Variants in BAZ1A observed in about 807,000 individuals in gnomAD.
The protein encoded by BAZ1A is bromodomain adjacent to zinc finger domain protein 1A.
BAZ1A carries 50 observed loss-of-function variants against 185.2 expected under a neutral mutation model. That is an observed-to-expected ratio of 0.27 (90% CI 0.22 to 0.34). The LOEUF (loss-of-function observed/expected upper bound fraction) is 0.34, where lower values mean the gene tolerates loss of function less well. Among genes scored for constraint, BAZ1A ranks in the 10% least tolerant of loss-of-function variants. The probability of loss-of-function intolerance (pLI) is 1.00; values close to 1 mark genes in which losing one functional copy is unlikely to be tolerated. For synonymous variants in BAZ1A, 571 were observed against 615.6 expected, an observed-to-expected ratio of 0.93 and a Z score of 1.07; for missense variants, 1,356 against 1,839.9, an observed-to-expected ratio of 0.74 and a Z score of 4.81.
chr14:34,778,174 G>A (rs1879782081), intron 17 of BAZ1A, among the ~76,000 whole-genome samples: 2 of 152,174 alleles, frequency 1.3e-5, no homozygotes, highest in Non-Finnish European at 2.9e-5. Context: ...AAAGAGATGG[G>A]ATCAGAAGCA....
intron 7 of BAZ1A, among the ~76,000 whole-genome samples, chr14:34,802,635 C>T (rs1481500773): frequency 6.6e-6 from 1 of 152,168 alleles, no homozygotes; most frequent in African/African-American, 2.4e-5. Flanking sequence ...GGTATAGAAT[C>T]CTTGTGGTAT....
rs1489443585 is a variant in BAZ1A at position 34,832,179 on chromosome 14, CAT to C, written c.393-6025_393-6024del. Among the ~76,000 whole-genome samples the C allele has an allele frequency of 2.2e-4, 23 of 105,680 alleles. No individual in the cohort carries two copies. In the East Asian group the frequency reaches 3.6e-3, roughly 16 times the overall value. 69.3% of individuals were successfully genotyped at this position (105,680 alleles called of 152,430 possible). On this transcript the variant is annotated intron_variant, in intron 3 of 26. Transcript: ENST00000360310. ...ATGTATGTGTATGTGTGTATATATA[CAT>C]ATATACATATACACACACACACACA...
At chr14:34,869,496 G>A (rs185549914) in intron 2 of BAZ1A, among the ~76,000 whole-genome samples, 4 of 151,522 alleles carry the variant, frequency 2.6e-5, no homozygotes, top group African/African-American at 9.6e-5. Flanking sequence ...GCAAGTGTAG[G>A]AAACAACAGA....
chr14:34,803,016 A>G (rs752209075), intron 6 of BAZ1A, 28 bp from the exon 7 acceptor site: 1 of 1,578,132 alleles, frequency 6.3e-7, no homozygotes, highest in Non-Finnish European at 8.7e-7. Flanking sequence ...ATAGGGTACA[A>G]TAATAACACA....
At chr14:34,792,960 T>C (rs775934326) in intron 11 of BAZ1A, 39 bp from the exon 12 acceptor site, 43 of 1,560,180 alleles carry the variant, frequency 2.8e-5, no homozygotes, top group African/African-American at 4.1e-5. Context: ...AAAGTTCTGT[T>C]CATGTACTGA....
At chr14:34,835,441 A>C (rs1478019821) in intron 3 of BAZ1A, among the ~76,000 whole-genome samples, 1 of 151,898 alleles carries the variant, frequency 6.6e-6, no homozygotes, top group Admixed American at 6.6e-5. Flanking sequence ...TCTTAAGCCC[A>C]TATACTTTCT....
chr14:34,808,057 G>A (rs936628444), intron 5 of BAZ1A, among the ~76,000 whole-genome samples: 1 of 151,746 alleles, frequency 6.6e-6, no homozygotes, highest in African/African-American at 2.4e-5. Context: ...GATCACACCA[G>A]TGCACTCCAG....
chr14:34,872,423 C>T, intron 2 of BAZ1A, among the ~76,000 whole-genome samples: 1 of 151,906 alleles, frequency 6.6e-6, no homozygotes, highest in Non-Finnish European at 1.5e-5. Context: ...ACGACGAAAC[C>T]CCGTCTATGA....
At chr14:34,866,852 C>G (rs2042869442) in intron 2 of BAZ1A, among the ~76,000 whole-genome samples, 1 of 151,586 alleles carries the variant, frequency 6.6e-6, no homozygotes, top group Admixed American at 6.6e-5. Context: ...TTCTAGTGGT[C>G]ACATTTAAAA....
intron 3 of BAZ1A, among the ~76,000 whole-genome samples, chr14:34,849,020 T>G (rs1306680696): frequency 1.3e-5 from 2 of 152,096 alleles, no homozygotes; most frequent in African/African-American, 4.8e-5. Flanking sequence ...CACACGTGGC[T>G]AGGTGTGGTG....
chr14:34,835,309 G>A (rs536586931), intron 3 of BAZ1A, among the ~76,000 whole-genome samples: 6 of 152,030 alleles, frequency 3.9e-5, no homozygotes, highest in East Asian at 1.9e-4. Context: ...TGATCCACTC[G>A]CCTTGCTTCC....
intron 25 of BAZ1A, among the ~76,000 whole-genome samples, chr14:34,757,632 T>G (rs1448764885): frequency 6.6e-6 from 1 of 151,562 alleles, no homozygotes; most frequent in Non-Finnish European, 1.5e-5. Flanking sequence ...GCCACTGCAC[T>G]CCAGCCGGGG....
rs1396982935 is a variant in BAZ1A at position 34,761,957 on chromosome 14, A to G, written c.4043T>C (p.Phe1348Ser). 4 of 1,614,212 alleles carry G rather than the reference A, an allele frequency of 2.5e-6. No homozygotes were observed. Among genetic ancestry groups the G allele is most frequent in the Admixed American group, 1.7e-5 (1 of 60,024 alleles). ...HSHGPLQADV[F>S]VELLSPRRKR... Reference sequence around the variant, plus strand: ...TCTACGAGGACTAAGCAATTCCACAAATACATCTGCTTGCAGTGGGCCATG... The same window carrying G: ...TCTACGAGGACTAAGCAATTCCACAGATACATCTGCTTGCAGTGGGCCATG... Residue 1348 changes from phenylalanine (F) to serine (S), a missense_variant, in exon 24 of 27, where the codon TTT becomes TCT. This residue lies in a region of BAZ1A where 309 missense variants were observed against 355.3 expected (regional missense o/e 0.87). Coordinates refer to ENST00000360310, the MANE Select transcript of BAZ1A (RefSeq NM_013448.3).
chr14:34,771,523 T>C lies in BAZ1A; in HGVS notation c.3289A>G (p.Lys1097Glu). The C allele has an allele frequency of 6.2e-7, 1 of 1,606,778 alleles. No individual in the cohort carries two copies. Among genetic ancestry groups the C allele is most frequent in the Non-Finnish European group, 8.5e-7 (1 of 1,177,978 alleles). ...IEQGIERRFL[K>E]APLDASDSGR... ...AACAGATACTTACCAAGTGGAGCTT[T>C]CAGAAAACGCCGCTCAATGCCCTGC... The change falls in exon 21 of 27, where the codon AAA (lysine) becomes GAA (glutamate). Residue 1097 changes from lysine (K) to glutamate (E), a missense_variant. Physicochemically the swap from Lys to Glu is moderately conservative, Grantham distance 56. Around this residue, in one of 7 missense-constraint regions of BAZ1A, gnomAD observed 434 missense variants for 561.7 expected, o/e 0.77. Coordinates refer to ENST00000360310, the MANE Select transcript of BAZ1A (RefSeq NM_013448.3).
At chr14:34,755,150 CCAG>C (rs1203991381) in intron 25 of BAZ1A, among the ~76,000 whole-genome samples, 2 of 151,312 alleles carry the variant, frequency 1.3e-5, no homozygotes, top group African/African-American at 4.9e-5. Context: ...TCAGTTGTGA[CCAG>C]AAGAAAAAAA....
chr14:34,867,066 T>C (rs2042872293), intron 2 of BAZ1A, among the ~76,000 whole-genome samples: 1 of 151,970 alleles, frequency 6.6e-6, no homozygotes, highest in Non-Finnish European at 1.5e-5. Flanking sequence ...GAGCACATGC[T>C]GGCTAACACA....
chr14:34,823,285 T>C (rs1252260822), intron 4 of BAZ1A, among the ~76,000 whole-genome samples: 3 of 151,198 alleles, frequency 2.0e-5, no homozygotes, highest in Non-Finnish European at 2.9e-5. Context: ...ATCCAGGAAG[T>C]AGAGGTTGCA....
At chr14:34,762,296 G>T in intron 23 of BAZ1A, 73 bp from the exon 24 acceptor site, 4 of 1,392,138 alleles carry the variant, frequency 2.9e-6, no homozygotes, top group Non-Finnish European at 4.0e-6. Context: ...TATTCTCCTT[G>T]TTGTATTTAG....
intron 3 of BAZ1A, among the ~76,000 whole-genome samples, chr14:34,834,598 T>C (rs182408688): frequency 6.6e-6 from 1 of 152,328 alleles, no homozygotes; most frequent in East Asian, 1.9e-4. Context: ...TTGTCAATGC[T>C]ACTATTGACT....
Sources: gnomAD v4.1 joint callset for allele counts (sites outside exome capture counted in the v4.1 genomes callset) on GRCh38, gnomAD v4.1.1 for gene constraint, gnomAD v4.1.1 regional missense constraint, MANE v1.5 for transcripts, NCBI Gene and HGNC (gene_info 2026-07-23, HGNC 2026-07-21) for gene names.